PADI4: variants seen among roughly 807,000 people sequenced by gnomAD.
PADI4 encodes peptidyl arginine deiminase 4.
PADI4 carries 62 observed loss-of-function variants against 75.0 expected under a neutral mutation model. That is an observed-to-expected ratio of 0.83 (90% CI 0.67 to 1.02). The LOEUF (loss-of-function observed/expected upper bound fraction) is 1.02, where lower values mean the gene tolerates loss of function less well. Ranked by LOEUF, PADI4 falls within the 50% of genes least tolerant of loss-of-function variation. The pLI is 0.00. For missense variants in PADI4, 845 were observed against 850.5 expected, an observed-to-expected ratio of 0.99 and a Z score of 0.08; for synonymous variants, 361 against 348.1, an observed-to-expected ratio of 1.04 and a Z score of -0.41.
At chr1:17,355,023 G>C (rs1370827296) in intron 11 of PADI4, among the ~76,000 whole-genome samples, 1 of 152,190 alleles carries the variant, frequency 6.6e-6, no homozygotes, top group Admixed American at 6.5e-5. Context: ...AAGTAGACAA[G>C]ATAACTTCAA....
intron 10 of PADI4, among the ~76,000 whole-genome samples, chr1:17,349,066 CT>C (rs1271377857): frequency 6.6e-6 from 1 of 152,230 alleles, no homozygotes; most frequent in Non-Finnish European, 1.5e-5. Flanking sequence ...CCTGGCCAAG[CT>C]GTGCGCTGAG....
chr1:17,321,646 C>G (rs918910439), intron 1 of PADI4, among the ~76,000 whole-genome samples: 1 of 152,222 alleles, frequency 6.6e-6, no homozygotes, highest in African/African-American at 2.4e-5. Context: ...GAAATCTCCT[C>G]TTCTGTCTAC....
chr1:17,337,716 G>C (rs1039870850), intron 4 of PADI4, among the ~76,000 whole-genome samples: 24 of 151,888 alleles, frequency 1.6e-4, no homozygotes, highest in Non-Finnish European at 3.5e-4. Flanking sequence ...AAGAGATTGA[G>C]CCATCCTGGC....
At chr1:17,345,856 GT>G (rs1570063546) in intron 8 of PADI4, among the ~76,000 whole-genome samples, 171 bp from the exon 9 acceptor site, 1 of 152,154 alleles carries the variant, frequency 6.6e-6, no homozygotes, top group East Asian at 1.9e-4. Flanking sequence ...CTCATAACTT[GT>G]TAGATGGATT....
chr1:17,342,417 G>A lies in PADI4; in HGVS notation c.935+15G>A, dbSNP rs372885521. 36 of 1,508,884 alleles carry A rather than the reference G, an allele frequency of 2.4e-5. No individual in the cohort carries two copies. The highest frequency in any genetic ancestry group is 3.1e-5 in the Non-Finnish European group (34 of 1,085,632). 93.5% of individuals were successfully genotyped at this position (1,508,884 alleles called of 1,614,324 possible). On this transcript the variant is annotated intron_variant, in intron 8 of 15. Transcript: ENST00000375448. ...TACGCGTGCAGGTGAGAGGTCCTGG[G>A]GTGCTGGGGTGGGTCCAGACAACAA...
At chr1:17,316,970 C>A (rs971562093) in intron 1 of PADI4, among the ~76,000 whole-genome samples, 9 of 152,234 alleles carry the variant, frequency 5.9e-5, no homozygotes, top group Admixed American at 5.2e-4. Flanking sequence ...GCCGATGAGA[C>A]AGTGTGTGTA....
chr1:17,330,829 A>T (rs1426045279), intron 1 of PADI4, 140 bp from the exon 2 acceptor site: 1 of 585,238 alleles, frequency 1.7e-6, no homozygotes, highest in African/African-American at 2.0e-5. Flanking sequence ...AGATACACCC[A>T]GAAAAAATAC....
intron 15 of PADI4, among the ~76,000 whole-genome samples, chr1:17,362,854 T>C (rs748781783): frequency 1.8e-4 from 27 of 152,124 alleles, no homozygotes; most frequent in Non-Finnish European, 1.9e-4. Flanking sequence ...TGAGACAGAG[T>C]CTCGCTCTGT....
At chr1:17,314,885 G>A (rs565879623) in intron 1 of PADI4, among the ~76,000 whole-genome samples, 16 of 152,362 alleles carry the variant, frequency 1.1e-4, no homozygotes, top group African/African-American at 3.8e-4. Flanking sequence ...CTGGCTGGCT[G>A]GTGTAGACAG....
intron 4 of PADI4, among the ~76,000 whole-genome samples, chr1:17,337,766 T>C (rs763997769): frequency 9.9e-5 from 15 of 151,846 alleles, no homozygotes; most frequent in African/African-American, 1.5e-4. Context: ...AATACAAAAA[T>C]TAGCCAGGTG....
At chr1:17,351,877 T>C (rs1037881337) in intron 10 of PADI4, among the ~76,000 whole-genome samples, 6 of 149,396 alleles carry the variant, frequency 4.0e-5, no homozygotes, top group Non-Finnish European at 8.9e-5. Context: ...AGAGAGGAGA[T>C]AGGAGGTGGT....
In PADI4 at chr1:17,346,221, C is replaced by A; in HGVS notation, c.1047+82C>A. The A allele has an allele frequency of 3.7e-6, 3 of 816,706 alleles. No individual in the cohort carries two copies. Among genetic ancestry groups the A allele is most frequent in the Non-Finnish European group, 6.2e-6 (3 of 487,564 alleles). 50.6% of individuals were successfully genotyped at this position (816,706 alleles called of 1,614,324 possible). A position where few individuals can be genotyped will look rare whatever the true frequency, so the allele number is the denominator to read the frequency against. On this transcript the variant is annotated intron_variant, in intron 9 of 15. Coordinates refer to ENST00000375448, the MANE Select transcript of PADI4 (RefSeq NM_012387.3). The surrounding 1 kb of genome is among the most constrained non-coding windows in gnomAD (Gnocchi z 4.3). ...GGGGACCCGGGCTCCTGGGGTTCAG[C>A]CTGGTGCCTCACCGGCCACTCTTCC...
intron 3 of PADI4, chr1:17,334,307 A>AAT (rs1553145739): frequency 3.5e-5 from 12 of 343,448 alleles, no homozygotes; most frequent in Middle Eastern, 1.1e-3. Context: ...ATCTCCATTA[A>AAT]TTTTTTTTTT....
chr1:17,312,997 C>T (rs2073865491), intron 1 of PADI4, among the ~76,000 whole-genome samples: 1 of 151,744 alleles, frequency 6.6e-6, no homozygotes, highest in African/African-American at 2.4e-5. Context: ...GGAGACCATC[C>T]TGGCCAACAT....
intron 1 of PADI4, among the ~76,000 whole-genome samples, chr1:17,323,119 G>A (rs10888020): frequency 0.56 from 84,751 of 151,952 alleles, 23,822 homozygotes; most frequent in East Asian, 0.6. Flanking sequence ...TCAGGGCCTT[G>A]CAGGGTGTTG....
chr1:17,338,414 C>T (rs894136090), intron 5 of PADI4, among the ~76,000 whole-genome samples: 1 of 152,174 alleles, frequency 6.6e-6, no homozygotes, highest in Admixed American at 6.6e-5. Flanking sequence ...CCATGCCTCA[C>T]CCTGCTGCCC....
At chr1:17,334,728 A>G (rs2074279894) in intron 3 of PADI4, 1 of 434,600 alleles carries the variant, frequency 2.3e-6, no homozygotes, top group Non-Finnish European at 4.6e-6. Context: ...CATTTCTGCC[A>G]TATCAATGAT....
Position 17,356,450 on chromosome 1 carries a change from G to T in PADI4, c.1549G>T (p.Gly517Trp). 1 of 1,601,000 alleles carries T rather than the reference G, an allele frequency of 6.2e-7. No individual in the cohort carries two copies. Among genetic ancestry groups the T allele is most frequent in the South Asian group, 1.1e-5 (1 of 90,706 alleles). Residue 517 changes from glycine (G) to tryptophan (W), a missense_variant, in exon 13 of 16, where the codon GGG (glycine) becomes TGG (tryptophan). By Grantham distance (184) the Gly-to-Trp change is radical. Coordinates refer to ENST00000375448, the MANE Select transcript of PADI4 (RefSeq NM_012387.3). This position sits in a 1 kb window ranked among gnomAD's most constrained non-coding sequence, Gnocchi z 4.1. ...EGHGEALLFE[G>W]IKKKKQQKIK... Reference sequence around the variant, plus strand: ...CCACGGGGAGGCCCTGCTGTTCGAAGGGATCAAGAGTAAGTCGGCCCTGCC... The same window carrying T: ...CCACGGGGAGGCCCTGCTGTTCGAATGGATCAAGAGTAAGTCGGCCCTGCC...
rs2074379144 is a variant in PADI4 at position 17,339,668 on chromosome 1, C to G, written c.527-20C>G. Reference sequence around the variant, plus strand: ...CGGTCTCAGGGCCCTGTGACTCAGGCAATGCCCTTCTCATCCCAGACCTGC... The same window carrying G: ...CGGTCTCAGGGCCCTGTGACTCAGGGAATGCCCTTCTCATCCCAGACCTGC... On this transcript the variant is annotated intron_variant, in intron 5 of 15. Transcript: ENST00000375448. 1 of 1,613,294 alleles carries G rather than the reference C, an allele frequency of 6.2e-7. No individual in the cohort carries two copies. The highest frequency in any genetic ancestry group is 1.3e-5 in the African/African-American group (1 of 74,890).
Sources: allele counts gnomAD v4.1 joint callset (sites outside exome capture counted in the v4.1 genomes callset), GRCh38; gene constraint gnomAD v4.1.1; non-coding constraint Gnocchi (gnomAD v3.1); transcripts MANE v1.5; gene names NCBI Gene and HGNC (gene_info 2026-07-23, HGNC 2026-07-21).